NRXN1: variants seen among roughly 807,000 people sequenced by gnomAD.
NRXN1 encodes neurexin-1.
NRXN1 carries 39 observed loss-of-function variants against 150.9 expected under a neutral mutation model. That is an observed-to-expected ratio of 0.26 (90% confidence interval 0.20 to 0.34). NRXN1 has a LOEUF of 0.34. NRXN1 is among the 10% of genes least tolerant of loss of function. The probability of loss-of-function intolerance (pLI) is 1.00; values close to 1 mark genes in which losing one functional copy is unlikely to be tolerated. For missense variants in NRXN1, 1,815 were observed against 1,949.9 expected (o/e 0.93, Z 1.30); for synonymous variants, 924 against 757.0 (o/e 1.22, Z -3.62).
chr2:50,648,325 T>C (rs1158276721), intron 5 of NRXN1, among the ~76,000 whole-genome samples: 2 of 152,062 alleles, frequency 1.3e-5, no homozygotes, highest in South Asian at 2.1e-4. Flanking sequence ...TTTTCCATCA[T>C]GCTTTTGTCA....
In NRXN1 at chr2:50,347,216, A is replaced by G. The variant is rs1005712957; in HGVS notation, c.3365-110246T>C. The G allele has an allele frequency of 7.5e-7, 1 of 1,339,310 alleles. No individual in the cohort carries two copies. Among genetic ancestry groups the G allele is most frequent in the African/African-American group, 1.5e-5 (1 of 67,270 alleles). 83.0% of individuals were successfully genotyped at this position (1,339,310 alleles called of 1,614,324 possible). A position where few individuals can be genotyped will look rare whatever the true frequency, so the allele number is the denominator to read the frequency against. On this transcript the variant is annotated intron_variant, in intron 17 of 22. Coordinates refer to ENST00000401669, the MANE Select transcript of NRXN1 (RefSeq NM_001330078.2). The surrounding 1 kb of genome is among the most constrained non-coding windows in gnomAD (Gnocchi z 4.9). Reference sequence around the variant, plus strand: ...CCGGAAAGGCAGCCCCGGGAACAGCAAGCGCGGAGCGGGTGGCTGCTCCCA... The same window carrying G: ...CCGGAAAGGCAGCCCCGGGAACAGCGAGCGCGGAGCGGGTGGCTGCTCCCA...
chr2:50,271,814 A>C (rs957482818), intron 17 of NRXN1, among the ~76,000 whole-genome samples: 13 of 152,162 alleles, frequency 8.5e-5, no homozygotes, highest in African/African-American at 3.1e-4. Context: ...CTTTTCCTTC[A>C]TAAACAAAAT....
At position 50,497,654 on chromosome 2, in the gene NRXN1, G is replaced by A. The variant is rs914814790; in HGVS notation, c.2558C>T (p.Thr853Ile). 1.2e-6 allele frequency: 2 copies of A among 1,613,738 alleles called. No homozygotes were observed. The highest frequency in any genetic ancestry group is 3.3e-5 in the Admixed American group (2 of 59,994). Residue 853 changes from threonine (T) to isoleucine (I), a missense_variant, in exon 14 of 23, where the codon ACA becomes ATA. Coordinates refer to ENST00000401669, the MANE Select transcript of NRXN1 (RefSeq NM_001330078.2). The stretch of plus-strand genomic sequence containing the variant: ...GACAGAAGAAAGATACCGTCGTTCT[G>A]TGATGATGCCAGTCTCTATGTTATG... ...EFHNIETGIITERRYLSSVPS... is the reference protein window; with the variant it reads ...EFHNIETGIIIERRYLSSVPS...
intron 17 of NRXN1, among the ~76,000 whole-genome samples, chr2:50,271,535 C>A (rs956171406): frequency 2.0e-5 from 3 of 152,080 alleles, no homozygotes; most frequent in Admixed American, 6.6e-5. Flanking sequence ...TCTGTCTAAA[C>A]CATCAAGGTG....
At chr2:50,957,019 G>C (rs563182965) in intron 2 of NRXN1, among the ~76,000 whole-genome samples, 1 of 152,278 alleles carries the variant, frequency 6.6e-6, no homozygotes, top group African/African-American at 2.4e-5. Flanking sequence ...TGCCATGAAA[G>C]ATGGAATTGG....
chr2:50,531,452 G>GAT, intron 10 of NRXN1, 22 bp from the exon 11 acceptor site: 1 of 1,582,738 alleles, frequency 6.3e-7, no homozygotes, highest in Non-Finnish European at 8.6e-7. Context: ...AAATGAATAT[G>GAT]ATAAGTTCTT....
intron 8 of NRXN1, among the ~76,000 whole-genome samples, chr2:50,588,305 TATGAACAGGA>T (rs1673503438): frequency 6.6e-6 from 1 of 152,180 alleles, no homozygotes; most frequent in Non-Finnish European, 1.5e-5. Flanking sequence ...ATCTGAGCCT[TATGAACAGGA>T]AATAATAAAA....
chr2:50,302,944 T>C (rs939355777), intron 17 of NRXN1, among the ~76,000 whole-genome samples: 34 of 152,110 alleles, frequency 2.2e-4, no homozygotes, highest in African/African-American at 7.0e-4. Flanking sequence ...CATCCACCCA[T>C]CCATCTATTC....
intron 21 of NRXN1, among the ~76,000 whole-genome samples, chr2:49,999,230 T>C (rs1478227113): frequency 5.3e-5 from 8 of 152,164 alleles, no homozygotes; most frequent in African/African-American, 1.9e-4. Context: ...GAGGGAGTGA[T>C]TGGCTACTCT....
Position 50,333,636 on chromosome 2 carries a change from G to T in NRXN1, c.3365-96666C>A, listed in dbSNP as rs117895913. On this transcript the variant is annotated intron_variant, in intron 17 of 22. Coordinates refer to ENST00000401669, the MANE Select transcript of NRXN1 (RefSeq NM_001330078.2). ...TAGGACACTGCGAGTCCTCCCGAAG[G>T]TGTCTGAAAGAACACAAGGCAGGCA... 7.2e-5 allele frequency among the ~76,000 whole-genome samples: 11 copies of T among 152,070 alleles called. No individual in the cohort carries two copies. The East Asian group carries it at 2.2e-3, about 30-fold the overall frequency.
chr2:50,689,928 C>G (rs1454353699), intron 5 of NRXN1, among the ~76,000 whole-genome samples: 1 of 147,270 alleles, frequency 6.8e-6, no homozygotes, highest in African/African-American at 2.5e-5. Flanking sequence ...CTCTTGTCAC[C>G]CAGGCTGCAG....
intron 17 of NRXN1, among the ~76,000 whole-genome samples, chr2:50,340,784 T>C (rs1193067259): frequency 6.6e-6 from 1 of 152,164 alleles, no homozygotes; most frequent in Non-Finnish European, 1.5e-5. Context: ...TAAAAAGTCA[T>C]GCTCATTATT....
At chr2:50,819,297 A>C (rs1008857109) in intron 5 of NRXN1, among the ~76,000 whole-genome samples, 1 of 152,206 alleles carries the variant, frequency 6.6e-6, no homozygotes, top group Non-Finnish European at 1.5e-5. Flanking sequence ...ATTGACAGAT[A>C]AATGGAAAAA....
chr2:49,957,132 G>A (rs1390802514), intron 21 of NRXN1, among the ~76,000 whole-genome samples: 1 of 152,136 alleles, frequency 6.6e-6, no homozygotes, highest in Non-Finnish European at 1.5e-5. Context: ...CATGGAAGGA[G>A]CATGAATGTT....
chr2:50,050,632 C>T (rs1218135451), intron 21 of NRXN1, among the ~76,000 whole-genome samples: 3 of 151,844 alleles, frequency 2.0e-5, no homozygotes, highest in South Asian at 4.1e-4. Context: ...TTTACAGTTT[C>T]GAAATTAACA....
chr2:50,300,954 C>T (rs961157981), intron 17 of NRXN1, among the ~76,000 whole-genome samples: 3 of 152,054 alleles, frequency 2.0e-5, no homozygotes, highest in Non-Finnish European at 2.9e-5. Flanking sequence ...TCTTGGCTTC[C>T]CAAAGTGTTG....
chr2:49,966,896 A>G (rs1677063357), intron 21 of NRXN1, among the ~76,000 whole-genome samples: 1 of 152,136 alleles, frequency 6.6e-6, no homozygotes. Flanking sequence ...TCCAACATTT[A>G]AAAGGGTAGA....
chr2:50,013,454 G>C lies in NRXN1; in HGVS notation c.4128+39817C>G, dbSNP rs537052455. ...TGTTGGCCTGGTACCCAGAGTAAAA[G>C]AATTGTGTTTTAATAAGGATTACTT... On this transcript the variant is annotated intron_variant, in intron 21 of 22. Coordinates refer to ENST00000401669, the MANE Select transcript of NRXN1 (RefSeq NM_001330078.2). 3.3e-5 allele frequency among the ~76,000 whole-genome samples: 5 copies of C among 152,068 alleles called. No homozygotes were observed. The South Asian group carries it at 1.0e-3, about 32-fold the overall frequency.
At chr2:50,423,444 A>G (rs1003650874) in intron 17 of NRXN1, among the ~76,000 whole-genome samples, 3 of 151,670 alleles carry the variant, frequency 2.0e-5, no homozygotes, top group Non-Finnish European at 4.4e-5. Flanking sequence ...TGTGTCCTCA[A>G]TGGGCCATCT....
Sources: gnomAD v4.1 joint callset for allele counts (sites outside exome capture counted in the v4.1 genomes callset) on GRCh38, gnomAD v4.1.1 for gene constraint, Gnocchi (gnomAD v3.1) non-coding constraint, MANE v1.5 for transcripts, NCBI Gene and HGNC (gene_info 2026-07-23, HGNC 2026-07-21) for gene names.